Variants in ADAMTS9 observed in about 807,000 individuals in gnomAD.
ADAMTS9 encodes A disintegrin and metalloproteinase with thrombospondin motifs 9.
A neutral mutation model predicts 257.1 loss-of-function variants in ADAMTS9; 107 were observed. The observed-to-expected ratio is 0.42, with a 90% CI of 0.36 to 0.49. ADAMTS9 has a LOEUF of 0.49. Among genes scored for constraint, ADAMTS9 ranks in the 20% least tolerant of loss-of-function variants. ADAMTS9 has a pLI of 0.03. For synonymous variants in ADAMTS9, 982 were observed against 880.9 expected, an observed-to-expected ratio of 1.11 and a Z score of -2.03; for missense variants, 2,353 against 2,469.1, an observed-to-expected ratio of 0.95 and a Z score of 1.00.
At chr3:64,580,577 A>G (rs1456654572) in intron 28 of ADAMTS9, among the ~76,000 whole-genome samples, 1 of 152,188 alleles carries the variant, frequency 6.6e-6, no homozygotes, top group East Asian at 1.9e-4. Flanking sequence ...AGGATGCTGT[A>G]AAAGTCCAGG....
In ADAMTS9 at chr3:64,517,416, G is replaced by GGTTTT. The variant is rs1553698666; in HGVS notation, c.*6-296_*6-295insAAAAC. Among the ~76,000 whole-genome samples the GGTTTT allele has an allele frequency of 7.6e-5, 4 of 52,638 alleles. 1 individual carries two copies. Among genetic ancestry groups the GGTTTT allele is most frequent in the Non-Finnish European group, 1.1e-4 (3 of 26,242 alleles). The allele number at this position is 52,638 out of a possible 152,430, so 34.5% of individuals were successfully genotyped here. On this transcript the variant is annotated intron_variant, in intron 39 of 39. Transcript: ENST00000498707. ...CATCAAGCCCAGCTAATTAAAAATG[G>GGTTTT]TTTTTTTTTTTTTTTTTTTTTTTGC...
At chr3:64,620,530 A>T (rs1050171726) in intron 19 of ADAMTS9, among the ~76,000 whole-genome samples, 1 of 152,234 alleles carries the variant, frequency 6.6e-6, no homozygotes, top group African/African-American at 2.4e-5. Context: ...TCAACCTTGC[A>T]GGCAAATAGA....
intron 31 of ADAMTS9, among the ~76,000 whole-genome samples, chr3:64,549,311 T>G (rs1037720360): frequency 2.0e-5 from 3 of 152,154 alleles, no homozygotes; most frequent in African/African-American, 4.8e-5. Context: ...TATGGTTATA[T>G]TAAAGCTATA....
Position 64,654,576 on chromosome 3 carries a change from G to A in ADAMTS9, c.1206C>T (p.Thr402=), listed in dbSNP as rs758672271. Residue 402 remains threonine (T), a synonymous_variant, in exon 7 of 40, where the codon ACC becomes ACT. Transcript: ENST00000498707. ...DICRAHDKCD[T]LGLAELGTIC... is the part of the protein sequence containing the mutation. ...AGATACGCACAGAGAACTCACCTAA[G>A]GTATCACATTTGTCGTGAGCTCTGC... The A allele has an allele frequency of 6.2e-7, 1 of 1,614,154 alleles. No homozygotes were observed. The highest frequency in any genetic ancestry group is 1.7e-5 in the Admixed American group (1 of 60,014).
chr3:64,634,628 A>G (rs1700448241), intron 12 of ADAMTS9, among the ~76,000 whole-genome samples: 1 of 152,202 alleles, frequency 6.6e-6, no homozygotes, highest in African/African-American at 2.4e-5. Context: ...AGTAAATTAT[A>G]CAACACATCT....
At chr3:64,582,204 A>G (rs938735545) in intron 28 of ADAMTS9, among the ~76,000 whole-genome samples, 5 of 152,176 alleles carry the variant, frequency 3.3e-5, no homozygotes, top group Non-Finnish European at 7.4e-5. Context: ...GGAAAAGAGG[A>G]GGTGCGAGGA....
chr3:64,572,082 T>C (rs2083702552), intron 28 of ADAMTS9, among the ~76,000 whole-genome samples: 1 of 150,894 alleles, frequency 6.6e-6, no homozygotes, highest in African/African-American at 2.5e-5. Context: ...AATAGGACTC[T>C]GACTTTTTTT....
At chr3:64,569,946 A>T (rs886107295) in intron 28 of ADAMTS9, among the ~76,000 whole-genome samples, 1 of 152,218 alleles carries the variant, frequency 6.6e-6, no homozygotes, top group Admixed American at 6.5e-5. Context: ...TTTGATCTAT[A>T]TAAAGACTTT....
chr3:64,520,708 C>G (rs957398541), intron 39 of ADAMTS9, among the ~76,000 whole-genome samples: 3 of 152,000 alleles, frequency 2.0e-5, no homozygotes, highest in Non-Finnish European at 4.4e-5. Flanking sequence ...AAAGCACACC[C>G]TATAATAAAT....
At chr3:64,539,105 T>C in intron 37 of ADAMTS9, 98 bp downstream of exon 37, 2 of 1,259,046 alleles carry the variant, frequency 1.6e-6, no homozygotes, top group Non-Finnish European at 2.3e-6. Flanking sequence ...CTAGAGCAAC[T>C]GTTCTAATCA....
intron 28 of ADAMTS9, among the ~76,000 whole-genome samples, chr3:64,575,444 C>T (rs2083816086): frequency 6.6e-6 from 1 of 152,154 alleles, no homozygotes; most frequent in Admixed American, 6.5e-5. Context: ...TGTTCAAAAA[C>T]CACAGCTAAC....
At chr3:64,671,823 C>A (rs1461899583) in intron 3 of ADAMTS9, among the ~76,000 whole-genome samples, 2 of 152,078 alleles carry the variant, frequency 1.3e-5, no homozygotes, top group Non-Finnish European at 2.9e-5. Context: ...GATATCTGGT[C>A]CACAGGTAAA....
At position 64,655,792 on chromosome 3, in the gene ADAMTS9, C is replaced by T. The variant is rs1437685152; in HGVS notation, c.1053G>A (p.Gln351=). The change falls in exon 5 of 40, where the codon CAG becomes CAA. Residue 351 remains glutamine, a splice_region_variant and synonymous_variant. Transcript: ENST00000498707. ...AGAAAAAAGAAAAAAACTTTATTAC[C>T]TGTTCATTATGAATCACAATTAAGT... is the stretch of plus-strand genomic sequence containing the variant. ...IVNLIVIHNE[Q]DGPSISFNAQ... 6.4e-7 allele frequency: 1 copy of T among 1,569,984 alleles called. No homozygotes were observed. The highest frequency in any genetic ancestry group is 8.6e-7 in the Non-Finnish European group (1 of 1,158,642).
chr3:64,529,967 A>G (rs2082955930), intron 38 of ADAMTS9, among the ~76,000 whole-genome samples: 1 of 149,154 alleles, frequency 6.7e-6, no homozygotes, highest in South Asian at 2.1e-4. Flanking sequence ...GCACACCACC[A>G]CAGTCAGTTA....
In ADAMTS9 at chr3:64,604,090, CTGGGTGT is replaced by C. The variant is rs757494136; in HGVS notation, c.3580-8_3580-2del. The C allele has an allele frequency of 3.2e-5, 52 of 1,613,810 alleles. No homozygotes were observed. Among genetic ancestry groups the C allele is most frequent in the Middle Eastern group, 1.6e-4 (1 of 6,080 alleles). On this transcript the variant is annotated splice_acceptor_variant and splice_polypyrimidine_tract_variant and intron_variant, in intron 24 of 39. Coordinates refer to ENST00000498707, the MANE Select transcript of ADAMTS9 (RefSeq NM_182920.2). LOFTEE classifies it high-confidence loss of function. ...TACCTTTCCCACAAGTGGCTGAGCA[CTGGGTGT>C]TGGAGTAAAATCATGCAGTTATATT...
intron 37 of ADAMTS9, among the ~76,000 whole-genome samples, chr3:64,536,349 A>G (rs1406761584): frequency 2.0e-5 from 3 of 152,198 alleles, no homozygotes; most frequent in Non-Finnish European, 4.4e-5. Context: ...TAAAGGCCTT[A>G]TCTTCAAGGT....
chr3:64,665,098 T>G (rs1264809169), intron 3 of ADAMTS9, among the ~76,000 whole-genome samples: 4 of 152,182 alleles, frequency 2.6e-5, no homozygotes, highest in African/African-American at 9.7e-5. Context: ...GCAATCTGAA[T>G]CCTCATATAT....
Position 64,561,757 on chromosome 3 carries a change from A to ACTT in ADAMTS9, c.4525-7_4525-6insAAG. On this transcript the variant is annotated splice_polypyrimidine_tract_variant and splice_region_variant and intron_variant, in intron 29 of 39. Coordinates refer to ENST00000498707, the MANE Select transcript of ADAMTS9 (RefSeq NM_182920.2). ...CGGCCACAGGACACAGAGCACTAAGAAGACAGAGAACGTAAGTGGGAGCTT... is the reference window on the plus strand; with the variant it reads ...CGGCCACAGGACACAGAGCACTAAGACTTAGACAGAGAACGTAAGTGGGAGCTT... The ACTT allele has an allele frequency of 6.3e-7, 1 of 1,592,020 alleles. No homozygotes were observed. Among genetic ancestry groups the ACTT allele is most frequent in the Non-Finnish European group, 8.6e-7 (1 of 1,168,888 alleles).
Position 64,652,995 on chromosome 3 carries a change from A to C in ADAMTS9, c.1316+1358T>G, listed in dbSNP as rs148396692. ...GTGCATAAGGTATACATGAAACATA[A>C]ATTCCTTGCTTAAACTTGAGTCCCA... On this transcript the variant is annotated intron_variant, in intron 8 of 39. Coordinates refer to ENST00000498707, the MANE Select transcript of ADAMTS9 (RefSeq NM_182920.2). Among the ~76,000 whole-genome samples the C allele has an allele frequency of 3.3e-3, 510 of 152,318 alleles. 4 individuals are homozygous for C. Among genetic ancestry groups the C allele is most frequent in the African/African-American group, 0.011 (475 of 41,576 alleles).
Sources: gnomAD v4.1 joint callset for allele counts (sites outside exome capture counted in the v4.1 genomes callset) on GRCh38, gnomAD v4.1.1 for gene constraint, MANE v1.5 for transcripts, NCBI Gene and HGNC (gene_info 2026-07-23, HGNC 2026-07-21) for gene names.